ASIC2: variants seen among roughly 807,000 people sequenced by gnomAD.
ASIC2 encodes the protein acid sensing ion channel subunit 2, also known as acid-sensing ion channel 2.
Under a neutral mutation model 57.3 loss-of-function variants are expected in ASIC2, and 25 were observed. That is an observed-to-expected ratio of 0.44 (90% CI 0.32 to 0.61). The LOEUF is 0.61. Ranked by LOEUF, ASIC2 falls within the 20% of genes least tolerant of loss-of-function variation. The pLI, the probability that ASIC2 is intolerant of heterozygous loss-of-function variation, is 0.06. For synonymous variants in ASIC2, 319 were observed against 307.5 expected (o/e 1.04, Z -0.39); for missense variants, 641 against 738.1 (o/e 0.87, Z 1.52).
chr17:33,589,233 C>T (rs764687625), intron 1 of ASIC2, among the ~76,000 whole-genome samples: 2 of 152,270 alleles, frequency 1.3e-5, no homozygotes, highest in African/African-American at 4.8e-5. Context: ...ATTAACAGCA[C>T]GAGTACAGTA....
chr17:33,150,772 C>T lies in ASIC2; in HGVS notation c.709-38705G>A, dbSNP rs1481672729. ...GGCTGAGGCGGGAGAATGGCGTGAA[C>T]CCGGGAGGCGGAGCTTGCAGTGAGC... On this transcript the variant is annotated intron_variant, in intron 1 of 9. Transcript: ENST00000225823. 5.1e-4 allele frequency among the ~76,000 whole-genome samples: 40 copies of T among 78,294 alleles called. 2 individuals carry two copies. In the South Asian group the frequency reaches 0.019, roughly 36 times the overall value. The allele number at this position is 78,294 out of a possible 152,430, so 51.4% of individuals were successfully genotyped here. A position where few individuals can be genotyped will look rare whatever the true frequency, so the allele number is the denominator to read the frequency against.
chr17:33,542,574 C>A (rs1176076188), intron 1 of ASIC2, among the ~76,000 whole-genome samples: 1 of 80,630 alleles, frequency 1.2e-5, no homozygotes, highest in East Asian at 2.8e-4. Context: ...ATGTCCTTCA[C>A]CCACTTTTTG....
chr17:33,740,600 C>G (rs534222364), intron 1 of ASIC2, among the ~76,000 whole-genome samples: 1 of 152,220 alleles, frequency 6.6e-6, no homozygotes, highest in African/African-American at 2.4e-5. Context: ...GATTTGGGTG[C>G]GGACACAGCC....
At chr17:34,127,450 G>A (rs1911821089) in intron 1 of ASIC2, among the ~76,000 whole-genome samples, 1 of 152,248 alleles carries the variant, frequency 6.6e-6, no homozygotes, top group Admixed American at 6.5e-5. Flanking sequence ...TCCAGACAAT[G>A]TGGCCCCCAC....
chr17:33,723,534 G>A lies in ASIC2; in HGVS notation c.555+432444C>T, dbSNP rs1037770732. Among the ~76,000 whole-genome samples the A allele has an allele frequency of 1.2e-4, 18 of 152,240 alleles. 1 individual carries two copies. Among genetic ancestry groups the A allele is most frequent in the Admixed American group, 1.1e-3 (17 of 15,294 alleles). On this transcript the variant is annotated intron_variant, in intron 1 of 9. Coordinates refer to the ASIC2 transcript ENST00000359872. Reference sequence around the variant, plus strand: ...ATTAGAGATATGGTTTCACCCTGTTGGCCAGGCTTGTCTCGAACTCCTGGC... The same window carrying A: ...ATTAGAGATATGGTTTCACCCTGTTAGCCAGGCTTGTCTCGAACTCCTGGC...
chr17:33,266,209 T>G (rs964056548), intron 1 of ASIC2, among the ~76,000 whole-genome samples: 6 of 152,120 alleles, frequency 3.9e-5, no homozygotes, highest in Non-Finnish European at 5.9e-5. Flanking sequence ...CCTGTTTGAG[T>G]TCTGTATACA....
chr17:33,121,645 C>T (rs1191403844), intron 1 of ASIC2, among the ~76,000 whole-genome samples: 3 of 152,190 alleles, frequency 2.0e-5, no homozygotes, highest in Non-Finnish European at 4.4e-5. Context: ...TTCCAGCTGT[C>T]TTCCACACTG....
intron 3 of ASIC2, among the ~76,000 whole-genome samples, chr17:33,068,090 A>G (rs968748234): frequency 1.2e-4 from 19 of 152,276 alleles, no homozygotes; most frequent in African/African-American, 4.3e-4. Context: ...GTGCAACGGC[A>G]GGGGAAAACC....
At chr17:33,418,725 T>C (rs1419816755) in intron 1 of ASIC2, among the ~76,000 whole-genome samples, 1 of 152,202 alleles carries the variant, frequency 6.6e-6, no homozygotes, top group Non-Finnish European at 1.5e-5. Context: ...CATTGGTCTA[T>C]ATCTCTGTTT....
At chr17:33,511,807 G>A (rs992978549) in intron 1 of ASIC2, among the ~76,000 whole-genome samples, 8 of 152,196 alleles carry the variant, frequency 5.3e-5, no homozygotes, top group Admixed American at 3.9e-4. Context: ...AAAGACCCAA[G>A]TCCCTAACAA....
chr17:33,115,453 C>T (rs903064741), intron 1 of ASIC2, among the ~76,000 whole-genome samples: 1 of 152,214 alleles, frequency 6.6e-6, no homozygotes, highest in African/African-American at 2.4e-5. Flanking sequence ...GAGCCCCTGA[C>T]ACACTTTCTC....
intron 1 of ASIC2, among the ~76,000 whole-genome samples, chr17:33,510,261 T>A (rs1403721777): frequency 6.6e-6 from 1 of 152,184 alleles, no homozygotes; most frequent in Non-Finnish European, 1.5e-5. Context: ...CCCAGACAGA[T>A]TCATCTTTCT....
intron 1 of ASIC2, among the ~76,000 whole-genome samples, chr17:33,837,479 T>G (rs1717723873): frequency 6.6e-6 from 1 of 152,226 alleles, no homozygotes; most frequent in Non-Finnish European, 1.5e-5. Context: ...AAATGTGCTT[T>G]CAATTAACCA....
At chr17:33,999,389 A>G (rs1328031085) in intron 1 of ASIC2, among the ~76,000 whole-genome samples, 1 of 152,124 alleles carries the variant, frequency 6.6e-6, no homozygotes, top group Non-Finnish European at 1.5e-5. Flanking sequence ...AGGCATTACT[A>G]TTGCCATTTT....
chr17:33,819,284 G>C (rs1287733686), intron 1 of ASIC2, among the ~76,000 whole-genome samples: 1 of 152,212 alleles, frequency 6.6e-6, no homozygotes, highest in East Asian at 1.9e-4. Flanking sequence ...TAGCTTAAAA[G>C]TAAGTTTCTG....
chr17:33,934,300 C>T (rs1316572912), intron 1 of ASIC2, among the ~76,000 whole-genome samples: 1 of 152,222 alleles, frequency 6.6e-6, no homozygotes, highest in African/African-American at 2.4e-5. Context: ...CAGTTCGAAA[C>T]GGCCAGCCCG....
intron 1 of ASIC2, among the ~76,000 whole-genome samples, chr17:34,046,962 GCCA>G (rs1277309136): frequency 2.6e-5 from 4 of 152,118 alleles, no homozygotes; most frequent in Non-Finnish European, 5.9e-5. Context: ...CTCCATGCCA[GCCA>G]TTGGGCTACA....
At chr17:33,852,673 C>T (rs1175928585) in intron 1 of ASIC2, among the ~76,000 whole-genome samples, 1 of 152,158 alleles carries the variant, frequency 6.6e-6, no homozygotes, top group Non-Finnish European at 1.5e-5. Flanking sequence ...TCTTTCTTTC[C>T]CTACACCTTG....
At chr17:33,724,377 A>C (rs1036562401) in intron 1 of ASIC2, among the ~76,000 whole-genome samples, 7 of 152,204 alleles carry the variant, frequency 4.6e-5, no homozygotes, top group African/African-American at 9.7e-5. Context: ...CAGGCTCAGA[A>C]TCATTGGAAA....
Sources: gnomAD v4.1 joint callset for allele counts (sites outside exome capture counted in the v4.1 genomes callset) on GRCh38, gnomAD v4.1.1 for gene constraint, MANE v1.5 for transcripts, NCBI Gene and HGNC (gene_info 2026-07-23, HGNC 2026-07-21) for gene names.